MYO5C: variants seen among roughly 807,000 people sequenced by gnomAD.
The protein encoded by MYO5C is unconventional myosin-Vc.
Under a neutral mutation model 235.7 loss-of-function variants are expected in MYO5C, and 194 were observed. That is an observed-to-expected ratio of 0.82 (90% CI 0.73 to 0.93). The LOEUF (loss-of-function observed/expected upper bound fraction) is 0.93. Among genes scored for constraint, MYO5C ranks in the 40% least tolerant of loss-of-function variants. MYO5C has a pLI of 0.00. For missense variants in MYO5C, 2,038 were observed against 2,127.2 expected (o/e 0.96, Z 0.82); for synonymous variants, 707 against 754.8 (o/e 0.94, Z 1.04).
At chr15:52,223,372 G>C (rs539901089) in intron 29 of MYO5C, among the ~76,000 whole-genome samples, 172 bp downstream of exon 29, 11 of 152,172 alleles carry the variant, frequency 7.2e-5, no homozygotes, top group Non-Finnish European at 1.3e-4. Context: ...GTATCAGAGT[G>C]CTCTCTGGTC....
intron 1 of MYO5C, among the ~76,000 whole-genome samples, chr15:52,290,569 C>T (rs1316066900): frequency 6.7e-6 from 1 of 150,164 alleles, no homozygotes; most frequent in Admixed American, 6.7e-5. Context: ...CTGTAGTGAA[C>T]CTGTCACTAC....
chr15:52,286,735 G>A (rs1396453684), intron 1 of MYO5C, among the ~76,000 whole-genome samples: 3 of 152,090 alleles, frequency 2.0e-5, no homozygotes, highest in South Asian at 2.1e-4. Flanking sequence ...ACAAATGCTT[G>A]AAGGCAGCAT....
chr15:52,213,797 A>G (rs868393276), intron 33 of MYO5C, among the ~76,000 whole-genome samples: 2 of 152,214 alleles, frequency 1.3e-5, no homozygotes, highest in Admixed American at 1.3e-4. Flanking sequence ...AGGGTGGTGA[A>G]TGATGGTTCA....
intron 38 of MYO5C, 149 bp from the exon 39 acceptor site, chr15:52,196,632 GA>G (rs2035059299): frequency 5.7e-6 from 4 of 696,648 alleles, no homozygotes; most frequent in Non-Finnish European, 9.4e-6. Flanking sequence ...TTGGACTGAT[GA>G]TCAGCTCTCC....
chr15:52,252,859 T>C (rs2036503076), intron 12 of MYO5C, among the ~76,000 whole-genome samples: 2 of 152,188 alleles, frequency 1.3e-5, no homozygotes, highest in Non-Finnish European at 1.5e-5. Flanking sequence ...TGAGAGACAC[T>C]GCCAGGCTGG....
chr15:52,231,754 A>G (rs534859497), intron 24 of MYO5C, among the ~76,000 whole-genome samples: 13 of 152,248 alleles, frequency 8.5e-5, no homozygotes, highest in Admixed American at 7.9e-4. Flanking sequence ...AGCATGTTCT[A>G]TCTCTTTCCG....
intron 21 of MYO5C, among the ~76,000 whole-genome samples, chr15:52,237,924 C>T (rs965579481): frequency 3.3e-5 from 5 of 151,848 alleles, no homozygotes; most frequent in Admixed American, 6.6e-5. Flanking sequence ...ACTGTGCCCC[C>T]CGCCAAAATT....
intron 34 of MYO5C, 58 bp from the exon 35 acceptor site, chr15:52,211,942 AAC>A: frequency 1.3e-5 from 20 of 1,572,576 alleles, no homozygotes; most frequent in Non-Finnish European, 1.7e-5. Context: ...TCTCCTAAGG[AAC>A]TTGTGACTAG....
intron 29 of MYO5C, among the ~76,000 whole-genome samples, chr15:52,222,396 T>G (rs2035710078): frequency 6.6e-6 from 1 of 151,872 alleles, no homozygotes; most frequent in Non-Finnish European, 1.5e-5. Flanking sequence ...ACTCTCAGTT[T>G]AGGGAGAGGA....
rs770670724 is a variant in MYO5C, at chr15:52,221,182, T to G, written c.3701A>C (p.Glu1234Ala). The change falls in exon 30 of 41, where the codon GAA (glutamate) becomes GCA (alanine). Residue 1234 changes from glutamate (E) to alanine (A), a missense_variant. Glu to Ala is a moderately radical substitution (Grantham distance 107, BLOSUM62 -1). Transcript: ENST00000261839. The stretch of plus-strand genomic sequence containing the variant: ...GTTACCTTTCATTTTCTCAGCTTGT[T>G]CATTCAGGCGGATTTCAAGATCTTG... ...QKQDLEIRLNEQAEKMKGKLE... is the reference protein window; with the variant it reads ...QKQDLEIRLNAQAEKMKGKLE... 4 of 1,612,840 alleles carry G rather than the reference T, an allele frequency of 2.5e-6. No homozygotes were observed. The East Asian group carries it at 6.7e-5, about 27-fold the overall frequency.
At chr15:52,241,381 T>C (rs897064941) in intron 20 of MYO5C, among the ~76,000 whole-genome samples, 1 of 144,426 alleles carries the variant, frequency 6.9e-6, no homozygotes, top group African/African-American at 2.5e-5. Flanking sequence ...TGCCTCAGCC[T>C]CCCGAGCAGC....
At chr15:52,206,815 T>G (rs190500985) in intron 36 of MYO5C, among the ~76,000 whole-genome samples, 2 of 152,184 alleles carry the variant, frequency 1.3e-5, no homozygotes, top group Non-Finnish European at 2.9e-5. Context: ...TCAAAGAGAC[T>G]AAAGAAAAAG....
chr15:52,251,502 GT>G lies in MYO5C; in HGVS notation c.1549del (p.Thr517LeufsTer39). 1 of 1,597,386 alleles carries G rather than the reference GT, an allele frequency of 6.3e-7. No homozygotes were observed. The highest frequency in any genetic ancestry group is 8.5e-7 in the Non-Finnish European group (1 of 1,171,744). ...LDEECLLPHG[T>X]DENWLQKLYN... is the part of the protein sequence containing the mutation. The stretch of plus-strand genomic sequence containing the variant: ...CAGCTTTTGAAGCCAGTTTTCATCA[GT>G]TCCATGTGGTAACTGGAAAAGAAAA... On this transcript the variant is annotated frameshift_variant, in exon 13 of 41. Coordinates refer to ENST00000261839, the MANE Select transcript of MYO5C (RefSeq NM_018728.4). LOFTEE classifies it high-confidence loss of function.
chr15:52,235,049 A>G (rs1335384451), intron 23 of MYO5C, among the ~76,000 whole-genome samples: 1 of 152,200 alleles, frequency 6.6e-6, no homozygotes, highest in African/African-American at 2.4e-5. Context: ...GTTGAACTTG[A>G]GCTGAAAAGC....
intron 10 of MYO5C, among the ~76,000 whole-genome samples, chr15:52,260,186 C>A (rs1260855215): frequency 6.6e-6 from 1 of 152,124 alleles, no homozygotes; most frequent in Admixed American, 6.5e-5. Context: ...AAAAGGAGGA[C>A]CAGGCAGAGA....
At chr15:52,291,729 A>ATGTTTTTTTTTTGTTTTGTTT (rs2037391377) in intron 1 of MYO5C, among the ~76,000 whole-genome samples, 3 of 46,730 alleles carry the variant, frequency 6.4e-5, no homozygotes, top group South Asian at 7.1e-4. Context: ...TGCATATTTT[A>ATGTTTTTTTTTTGTTTTGTTT]TGTTTTTTTT....
intron 1 of MYO5C, among the ~76,000 whole-genome samples, chr15:52,288,602 C>T (rs1243364728): frequency 6.6e-6 from 1 of 152,224 alleles, no homozygotes; most frequent in Non-Finnish European, 1.5e-5. Context: ...CCCTCACATT[C>T]CTCTACCCAC....
intron 11 of MYO5C, among the ~76,000 whole-genome samples, chr15:52,253,765 C>G (rs1405906961): frequency 1.3e-5 from 2 of 152,354 alleles, no homozygotes; most frequent in African/African-American, 4.8e-5. Flanking sequence ...TTCCTGCTAG[C>G]AGCTATCCAA....
intron 1 of MYO5C, among the ~76,000 whole-genome samples, chr15:52,290,976 G>T (rs1441252157): frequency 1.3e-5 from 2 of 152,156 alleles, no homozygotes; most frequent in Non-Finnish European, 2.9e-5. Flanking sequence ...TCCTCATAGT[G>T]ACCTCCTCAG....
Sources: gnomAD v4.1 joint callset for allele counts (sites outside exome capture counted in the v4.1 genomes callset) on GRCh38, gnomAD v4.1.1 for gene constraint, MANE v1.5 for transcripts, NCBI Gene and HGNC (gene_info 2026-07-23, HGNC 2026-07-21) for gene names.